TTC28: variants seen among roughly 807,000 people sequenced by gnomAD.
The protein encoded by TTC28 is tetratricopeptide repeat protein 28.
A neutral mutation model predicts 198.0 loss-of-function variants in TTC28; 61 were observed. The observed-to-expected ratio is 0.31, with a 90% CI of 0.25 to 0.38. TTC28 has a LOEUF of 0.38. Among genes scored for constraint, TTC28 ranks in the 10% least tolerant of loss-of-function variants. The probability of loss-of-function intolerance (pLI) is 1.00; values close to 1 mark genes in which losing one functional copy is unlikely to be tolerated. For synonymous variants in TTC28, 1,171 were observed against 1,297.8 expected (o/e 0.90, Z 2.10); for missense variants, 2,678 against 3,164.0 (o/e 0.85, Z 3.69).
At chr22:28,562,996 A>G (rs1013408749) in intron 2 of TTC28, among the ~76,000 whole-genome samples, 2 of 151,990 alleles carry the variant, frequency 1.3e-5, no homozygotes, top group Admixed American at 1.3e-4. Context: ...GGTGGCGTGT[A>G]CCTGTAGTCC....
chr22:28,055,440 AAGAT>A (rs774581699), intron 12 of TTC28, among the ~76,000 whole-genome samples: 5 of 152,180 alleles, frequency 3.3e-5, no homozygotes, highest in African/African-American at 4.8e-5. Flanking sequence ...ACAAAGGAAA[AAGAT>A]AGGCTGTTCT....
At chr22:28,206,572 G>A (rs1211051844) in intron 5 of TTC28, among the ~76,000 whole-genome samples, 1 of 152,092 alleles carries the variant, frequency 6.6e-6, no homozygotes, top group Non-Finnish European at 1.5e-5. Context: ...ATACAAATCT[G>A]GTTAATATGT....
At position 28,049,546 on chromosome 22, in the gene TTC28, G is replaced by A. The variant is rs530742908; in HGVS notation, c.3933-19180C>T. ...GAGCAGCAGAGGACTAGTGCTCTAGGAGGCTGGTCCGAAATCCATGGCACC... is the reference window on the plus strand; with the variant it reads ...GAGCAGCAGAGGACTAGTGCTCTAGAAGGCTGGTCCGAAATCCATGGCACC... On this transcript the variant is annotated intron_variant, in intron 12 of 22. Transcript: ENST00000397906. Among the ~76,000 whole-genome samples, 12 of 152,244 alleles carry A rather than the reference G, an allele frequency of 7.9e-5. No homozygotes were observed. In the East Asian group the frequency reaches 2.1e-3, roughly 27 times the overall value.
intron 14 of TTC28, among the ~76,000 whole-genome samples, chr22:28,006,040 T>C (rs923034898): frequency 1.3e-5 from 2 of 152,134 alleles, no homozygotes; most frequent in African/African-American, 2.4e-5. Context: ...TGAAAAGCCG[T>C]GTGCAGTGGC....
At position 28,184,575 on chromosome 22, in the gene TTC28, T is replaced by G. The variant is rs563911249; in HGVS notation, c.934-20976A>C. ...AAGATCCTAAGTTACATTTTTAAAT[T>G]TTTTTTTACCAATTTCCTCAGGTAA... On this transcript the variant is annotated intron_variant, in intron 5 of 22. Transcript: ENST00000397906. Among the ~76,000 whole-genome samples, 7 of 152,100 alleles carry G rather than the reference T, an allele frequency of 4.6e-5. No homozygotes were observed. In the East Asian group the frequency reaches 1.3e-3, roughly 29 times the overall value.
chr22:28,297,841 G>C lies in TTC28; in HGVS notation c.541C>G (p.Pro181Ala). ...ATTTTCTGAAGCTGCTGATAAGTGGGCTCGAGGGAGTCTGAAAATAAACAA... is the reference window on the plus strand; with the variant it reads ...ATTTTCTGAAGCTGCTGATAAGTGGCCTCGAGGGAGTCTGAAAATAAACAA... The part of the protein sequence containing the change: ...MKSPMRDSLE[P>A]TYQQLQKMKL... The change falls in exon 4 of 23, where the codon CCC becomes GCC. Residue 181 changes from proline (P) to alanine (A), a missense_variant. Transcript: ENST00000397906. 1 of 1,551,036 alleles carries C rather than the reference G, an allele frequency of 6.4e-7. No homozygotes were observed. The highest frequency in any genetic ancestry group is 1.2e-5 in the South Asian group (1 of 84,040).
chr22:28,310,173 C>A (rs1449846577), intron 2 of TTC28, among the ~76,000 whole-genome samples: 1 of 94,358 alleles, frequency 1.1e-5, no homozygotes, highest in Non-Finnish European at 2.1e-5. Context: ...CACACACACA[C>A]AAAAAACAAG....
At chr22:28,600,135 C>T (rs754229529) in intron 2 of TTC28, among the ~76,000 whole-genome samples, 4 of 151,980 alleles carry the variant, frequency 2.6e-5, no homozygotes, top group Non-Finnish European at 5.9e-5. Context: ...TGGCTCACAT[C>T]GTAATCCCAG....
Position 28,275,493 on chromosome 22 carries a change from T to C in TTC28, c.933+20705A>G, listed in dbSNP as rs1028113696. On this transcript the variant is annotated intron_variant, in intron 5 of 22. Coordinates refer to ENST00000397906, the MANE Select transcript of TTC28 (RefSeq NM_001145418.2). ...GGAAGCTAGTCCAGGTTTTACAGTA[T>C]TGTATATTTTTTCCATTCCAATAAT... Among the ~76,000 whole-genome samples the C allele has an allele frequency of 3.3e-5, 5 of 152,296 alleles. No homozygotes were observed. In the East Asian group the frequency reaches 9.6e-4, roughly 29 times the overall value.
intron 2 of TTC28, among the ~76,000 whole-genome samples, chr22:28,359,762 C>T (rs1287134469): frequency 6.6e-6 from 1 of 152,136 alleles, no homozygotes; most frequent in Non-Finnish European, 1.5e-5. Flanking sequence ...CCCTACTGGG[C>T]ATTTTGATTA....
At position 28,194,831 on chromosome 22, in the gene TTC28, A is replaced by T. The variant is rs1411345867; in HGVS notation, c.934-31232T>A. 1.5e-4 allele frequency among the ~76,000 whole-genome samples: 16 copies of T among 105,026 alleles called. No individual in the cohort carries two copies. In the South Asian group the frequency reaches 5.5e-3, roughly 36 times the overall value. The allele number at this position is 105,026 out of a possible 152,430, so 68.9% of individuals were successfully genotyped here. On this transcript the variant is annotated intron_variant, in intron 5 of 22. Transcript: ENST00000397906. ...TCAAAAAATCTCCAGGACCAGATGGATTCACAGCCTAATTCTACCAGAGGT... is the reference window on the plus strand; with the variant it reads ...TCAAAAAATCTCCAGGACCAGATGGTTTCACAGCCTAATTCTACCAGAGGT...
chr22:28,435,030 T>C (rs2047496771), intron 2 of TTC28, among the ~76,000 whole-genome samples: 1 of 152,200 alleles, frequency 6.6e-6, no homozygotes, highest in African/African-American at 2.4e-5. Flanking sequence ...GATAGATAAA[T>C]TTCATTCTTT....
chr22:28,198,618 C>T, intron 5 of TTC28, among the ~76,000 whole-genome samples: 1 of 152,064 alleles, frequency 6.6e-6, no homozygotes, highest in African/African-American at 2.4e-5. Flanking sequence ...TTTCACTTAA[C>T]ACACAAAGAA....
intron 2 of TTC28, among the ~76,000 whole-genome samples, chr22:28,382,210 C>T (rs1451685491): frequency 1.3e-5 from 2 of 152,118 alleles, no homozygotes; most frequent in African/African-American, 2.4e-5. Context: ...TCCAAACCAA[C>T]CAAATTTCAA....
chr22:28,511,359 C>T (rs1340920248), intron 2 of TTC28, among the ~76,000 whole-genome samples: 1 of 152,142 alleles, frequency 6.6e-6, no homozygotes, highest in Admixed American at 6.5e-5. Flanking sequence ...GCCTGCACAC[C>T]TACAACCATC....
chr22:28,093,663 C>G (rs1226468643), intron 12 of TTC28, among the ~76,000 whole-genome samples: 1 of 152,134 alleles, frequency 6.6e-6, no homozygotes, highest in African/African-American at 2.4e-5. Flanking sequence ...CAGATCTGTG[C>G]ACATATCCTG....
chr22:28,505,338 G>A (rs925133560), intron 2 of TTC28, among the ~76,000 whole-genome samples: 11 of 152,086 alleles, frequency 7.2e-5, no homozygotes, highest in Admixed American at 2.6e-4. Flanking sequence ...TGCGCTCTGC[G>A]GCACTCCGAA....
At chr22:28,366,448 T>C (rs1053524880) in intron 2 of TTC28, among the ~76,000 whole-genome samples, 1 of 152,154 alleles carries the variant, frequency 6.6e-6, no homozygotes, top group African/African-American at 2.4e-5. Context: ...GTCCCTACTT[T>C]CTTAGATCAT....
chr22:28,257,772 A>C (rs1190297277), intron 5 of TTC28, among the ~76,000 whole-genome samples: 3 of 97,668 alleles, frequency 3.1e-5, no homozygotes, highest in Admixed American at 2.2e-4. Flanking sequence ...ATATATATAT[A>C]TATATATATC....
Sources: allele counts gnomAD v4.1 joint callset (sites outside exome capture counted in the v4.1 genomes callset), GRCh38; gene constraint gnomAD v4.1.1; transcripts MANE v1.5; gene names NCBI Gene and HGNC (gene_info 2026-07-23, HGNC 2026-07-21).